Variants in TUBAL3 observed in about 807,000 individuals in gnomAD.
TUBAL3 encodes the protein tubulin alpha like 3, also known as tubulin alpha chain-like 3.
A neutral mutation model predicts 15.5 loss-of-function variants in TUBAL3; 16 were observed. The observed-to-expected ratio is 1.04, with a 90% CI of 0.70 to 1.57. TUBAL3 has a LOEUF of 1.57. Among genes scored for constraint, TUBAL3 ranks in the 40% most tolerant of loss-of-function variants. TUBAL3 has a pLI of 0.00. For missense variants in TUBAL3, 609 were observed against 576.2 expected, an observed-to-expected ratio of 1.06 and a Z score of -0.58; for synonymous variants, 238 against 224.3, an observed-to-expected ratio of 1.06 and a Z score of -0.55.
At position 5,393,754 on chromosome 10, in the gene TUBAL3, C is replaced by T. The variant is rs144608245; in HGVS notation, c.1104G>A (p.Thr368=). ...FKVGINNRPP[T]VMPGGDLAKV... is the part of the protein sequence containing the mutation. ...TGGCCAGGTCCCCACCCGGCATCAC[C>T]GTGGGCGGCCGATTGTTGATGCCCA... The change falls in exon 4 of 4, where the codon ACG becomes ACA. Residue 368 remains threonine (T), a synonymous_variant. Coordinates refer to ENST00000380419, the MANE Select transcript of TUBAL3 (RefSeq NM_024803.3). 2.2e-5 allele frequency: 35 copies of T among 1,614,106 alleles called. No homozygotes were observed. The highest frequency in any genetic ancestry group is 1.6e-4 in the Middle Eastern group (1 of 6,084).
rs1486192877 is a variant in TUBAL3 at position 5,396,535 on chromosome 10, T to TA, written c.248-1061dup. Among the ~76,000 whole-genome samples the TA allele has an allele frequency of 2.6e-5, 4 of 152,138 alleles. No homozygotes were observed. Among genetic ancestry groups the TA allele is most frequent in the Admixed American group, 1.3e-4 (2 of 15,268 alleles). ...AAGTAAAATAAAATAAAATGAATTTTAAAAAATAAAGGAATATCCATCTTT... is the reference window on the plus strand; with the variant it reads ...AAGTAAAATAAAATAAAATGAATTTTAAAAAAATAAAGGAATATCCATCTTT... On this transcript the variant is annotated intron_variant, in intron 2 of 3. Transcript: ENST00000380419. This position sits in a 1 kb window ranked among gnomAD's most constrained non-coding sequence, Gnocchi z 5.1.
chr10:5,400,796 TTGAG>T (rs782786897), intron 2 of TUBAL3, 44 bp downstream of exon 2: 4 of 1,609,996 alleles, frequency 2.5e-6, no homozygotes, highest in Admixed American at 1.7e-5. Context: ...CTTGATTTGT[TTGAG>T]TGTGGCTCCA....
intron 2 of TUBAL3, among the ~76,000 whole-genome samples, chr10:5,399,578 C>G (rs1047100897): frequency 6.6e-6 from 1 of 152,178 alleles, no homozygotes; most frequent in Non-Finnish European, 1.5e-5. Flanking sequence ...TACAGCAGTC[C>G]GAGTTGACCA....
In TUBAL3 at chr10:5,394,803, G is replaced by A. The variant is rs11814495; in HGVS notation, c.397-342C>T. Reference sequence around the variant, plus strand: ...TGAAGCAAAATAACATTCCCCCCACGTCTATGCTCCATCTGGCATGCTGGT... The same window carrying A: ...TGAAGCAAAATAACATTCCCCCCACATCTATGCTCCATCTGGCATGCTGGT... On this transcript the variant is annotated intron_variant, in intron 3 of 3. Transcript: ENST00000380419. This position sits in a 1 kb window ranked among gnomAD's most constrained non-coding sequence, Gnocchi z 4.3. Among the ~76,000 whole-genome samples the A allele has an allele frequency of 0.014, 2,175 of 152,228 alleles. 63 individuals carry two copies. The highest frequency in any genetic ancestry group is 0.049 in the African/African-American group (2,047 of 41,520).
intron 2 of TUBAL3, 139 bp downstream of exon 2, chr10:5,400,705 C>T: frequency 1.0e-6 from 1 of 983,694 alleles, no homozygotes; most frequent in Non-Finnish European, 1.5e-6. Context: ...TCACCCATGG[C>T]CACTGAGTAA....
At position 5,394,003 on chromosome 10, in the gene TUBAL3, A is replaced by G. The variant is rs1487589011; in HGVS notation, c.855T>C (p.Ala285=). 22 of 1,614,096 alleles carry G rather than the reference A, an allele frequency of 1.4e-5. No homozygotes were observed. Among genetic ancestry groups the G allele is most frequent in the Non-Finnish European group, 1.9e-5 (22 of 1,180,048 alleles). The stretch of plus-strand genomic sequence containing the variant: ...AGAACTGCTCATGGTAGGCTTTGTC[A>G]GCAGAGACGATGGGGGCGAAGGCTG... ...PMTAFAPIVS[A]DKAYHEQFSV... is the part of the protein sequence containing the mutation. The change falls in exon 4 of 4, where the codon GCT becomes GCC. Residue 285 remains alanine (A), a synonymous_variant. Coordinates refer to ENST00000380419, the MANE Select transcript of TUBAL3 (RefSeq NM_024803.3). The surrounding 1 kb of genome is among the most constrained non-coding windows in gnomAD (Gnocchi z 4.3).
rs782187224 is a variant in TUBAL3, at chr10:5,393,578, T to C, written c.1280A>G (p.Glu427Gly). 1.2e-6 allele frequency: 2 copies of C among 1,614,150 alleles called. No homozygotes were observed. The highest frequency in any genetic ancestry group is 2.2e-5 in the South Asian group (2 of 91,076). ...CAGGGCTGCCAGATCTTCCCTGGCCTCCAAGAACTCTGCTTCTTCCATGCC... is the reference window on the plus strand; with the variant it reads ...CAGGGCTGCCAGATCTTCCCTGGCCCCCAAGAACTCTGCTTCTTCCATGCC... ...REGMEEAEFL[E>G]AREDLAALER... The change falls in exon 4 of 4, where the codon GAG becomes GGG. Residue 427 changes from glutamate (E) to glycine (G), a missense_variant. Glu to Gly is a moderately conservative substitution (Grantham distance 98, BLOSUM62 -2). Transcript: ENST00000380419.
chr10:5,394,472 T>C lies in TUBAL3; in HGVS notation c.397-11A>G. 6.4e-7 allele frequency: 1 copy of C among 1,573,918 alleles called. No homozygotes were observed. Among genetic ancestry groups the C allele is most frequent in the Non-Finnish European group, 8.6e-7 (1 of 1,161,100 alleles). ...ACCACACTGTTCTGCCTGGAGAAAG[T>C]AAATGAGATGTGAGAATTCAGCTGA... On this transcript the variant is annotated splice_polypyrimidine_tract_variant and intron_variant, in intron 3 of 3. Transcript: ENST00000380419. The surrounding 1 kb of genome is among the most constrained non-coding windows in gnomAD (Gnocchi z 4.3).
rs77291689 is a variant in TUBAL3 at position 5,396,063 on chromosome 10, C to A, written c.248-588G>T. Among the ~76,000 whole-genome samples the A allele has an allele frequency of 0.062, 9,511 of 152,218 alleles. 333 individuals are homozygous for A. The highest frequency in any genetic ancestry group is 0.17 in the South Asian group (838 of 4,810). ...TTTAACTAGCTACATCAGCAAAGAC[C>A]CTGTTTCCAAATAAAGTCACATTCT... is the stretch of plus-strand genomic sequence containing the variant. On this transcript the variant is annotated intron_variant, in intron 2 of 3. Transcript: ENST00000380419. This position sits in a 1 kb window ranked among gnomAD's most constrained non-coding sequence, Gnocchi z 5.1.
At chr10:5,399,492 G>T (rs1468643348) in intron 2 of TUBAL3, among the ~76,000 whole-genome samples, 1 of 152,184 alleles carries the variant, frequency 6.6e-6, no homozygotes, top group African/African-American at 2.4e-5. Context: ...AGGCACCCTG[G>T]TCTCAGACTT....
In TUBAL3 at chr10:5,394,037, A is replaced by T. The variant is rs1554813814; in HGVS notation, c.821T>A (p.Phe274Tyr). The change falls in exon 4 of 4, where the codon TTC (phenylalanine) becomes TAC (tyrosine). Residue 274 changes from phenylalanine (F) to tyrosine (Y), a missense_variant. Phe to Tyr is a conservative substitution (Grantham distance 22). Coordinates refer to ENST00000380419, the MANE Select transcript of TUBAL3 (RefSeq NM_024803.3). The surrounding 1 kb of genome is among the most constrained non-coding windows in gnomAD (Gnocchi z 4.3). The stretch of plus-strand genomic sequence containing the variant: ...GATGGGGGCGAAGGCTGTCATGGGG[A>T]AATGTATTCTCGGATAAGGTACCAG... The part of the protein sequence containing the change: ...TNLVPYPRIH[F>Y]PMTAFAPIVS... 1 of 1,614,126 alleles carries T rather than the reference A, an allele frequency of 6.2e-7. No individual in the cohort carries two copies. The highest frequency in any genetic ancestry group is 1.7e-5 in the Admixed American group (1 of 60,018).
chr10:5,397,454 T>C lies in TUBAL3; in HGVS notation c.248-1979A>G, dbSNP rs533118891. Among the ~76,000 whole-genome samples the C allele has an allele frequency of 2.0e-5, 3 of 152,296 alleles. No individual in the cohort carries two copies. In the East Asian group the frequency reaches 5.8e-4, roughly 29 times the overall value. ...TAAGGCTGCATTCAGGCTAAGAAGGTAATTTACGGAAGCTTCCTTCTTCAT... is the reference window on the plus strand; with the variant it reads ...TAAGGCTGCATTCAGGCTAAGAAGGCAATTTACGGAAGCTTCCTTCTTCAT... On this transcript the variant is annotated intron_variant, in intron 2 of 3. Transcript: ENST00000380419. The surrounding 1 kb of genome is among the most constrained non-coding windows in gnomAD (Gnocchi z 4.9).
Position 5,394,479 on chromosome 10 carries a change from G to C in TUBAL3, c.397-18C>G. 1 of 1,564,904 alleles carries C rather than the reference G, an allele frequency of 6.4e-7. No individual in the cohort carries two copies. Among genetic ancestry groups the C allele is most frequent in the Non-Finnish European group, 8.6e-7 (1 of 1,156,396 alleles). On this transcript the variant is annotated intron_variant, in intron 3 of 3. Transcript: ENST00000380419. This position sits in a 1 kb window ranked among gnomAD's most constrained non-coding sequence, Gnocchi z 4.3. ...TGTTCTGCCTGGAGAAAGTAAATGA[G>C]ATGTGAGAATTCAGCTGAATAAATC...
intron 2 of TUBAL3, among the ~76,000 whole-genome samples, chr10:5,400,440 T>C (rs1279670035): frequency 6.6e-6 from 1 of 152,118 alleles, no homozygotes; most frequent in South Asian, 2.1e-4. Context: ...AAGACCAGTC[T>C]GGCCAACATA....
Position 5,393,115 on chromosome 10 carries a change from A to G in TUBAL3, c.*402T>C, listed in dbSNP as rs1475587424. 2 of 160,584 alleles carry G rather than the reference A, an allele frequency of 1.2e-5. No homozygotes were observed. Among genetic ancestry groups the G allele is most frequent in the Non-Finnish European group, 2.7e-5 (2 of 73,950 alleles). 9.9% of individuals were successfully genotyped at this position (160,584 alleles called of 1,614,324 possible). On this transcript the variant is annotated 3_prime_UTR_variant, in exon 4 of 4. Transcript: ENST00000380419. ...AATAAGAATCATACTGAAAATATTT[A>G]TGATTTAATCAGTGTAAAAAATGTA... is the stretch of plus-strand genomic sequence containing the variant.
chr10:5,397,631 C>T lies in TUBAL3; in HGVS notation c.248-2156G>A, dbSNP rs1831783077. ...TTCCCGGGCACAGGTTGCTCAGGGG[C>T]TTTACTACCCAGCATGGTGCCCTTA... On this transcript the variant is annotated intron_variant, in intron 2 of 3. Coordinates refer to ENST00000380419, the MANE Select transcript of TUBAL3 (RefSeq NM_024803.3). The surrounding 1 kb of genome is among the most constrained non-coding windows in gnomAD (Gnocchi z 4.9). 1.3e-5 allele frequency among the ~76,000 whole-genome samples: 2 copies of T among 152,150 alleles called. No individual in the cohort carries two copies. The highest frequency in any genetic ancestry group is 4.8e-5 in the African/African-American group (2 of 41,438).
At position 5,395,496 on chromosome 10, in the gene TUBAL3, T is replaced by C; in HGVS notation, c.248-21A>G. ...CCCATCTGCAGAGGGTGAAAGGAGG[T>C]CAGTGCAACTCACCCAGTGCAATTC... is the stretch of plus-strand genomic sequence containing the variant. On this transcript the variant is annotated intron_variant, in intron 2 of 3. Coordinates refer to ENST00000380419, the MANE Select transcript of TUBAL3 (RefSeq NM_024803.3). This position sits in a 1 kb window ranked among gnomAD's most constrained non-coding sequence, Gnocchi z 4.6. 6.8e-7 allele frequency: 1 copy of C among 1,466,360 alleles called. No individual in the cohort carries two copies. Among genetic ancestry groups the C allele is most frequent in the Non-Finnish European group, 9.1e-7 (1 of 1,095,058 alleles). The allele number at this position is 1,466,360 out of a possible 1,614,324, so 90.8% of individuals were successfully genotyped here.
intron 1 of TUBAL3, among the ~76,000 whole-genome samples, chr10:5,402,997 ACT>A (rs1218758443): frequency 6.6e-6 from 1 of 152,094 alleles, no homozygotes; most frequent in Admixed American, 6.5e-5. Flanking sequence ...TCTGACTTGG[ACT>A]CTGTTCATGC....
rs1256722828 is a variant in TUBAL3 at position 5,396,094 on chromosome 10, T to C, written c.248-619A>G. Among the ~76,000 whole-genome samples, 1 of 152,330 alleles carries C rather than the reference T, an allele frequency of 6.6e-6. No individual in the cohort carries two copies. Among genetic ancestry groups the C allele is most frequent in the East Asian group, 1.9e-4 (1 of 5,190 alleles). ...TCCAAATAAAGTCACATTCTGGGAT[T>C]GCAGATGGGTATGAATTTGGGGGGA... is the stretch of plus-strand genomic sequence containing the variant. On this transcript the variant is annotated intron_variant, in intron 2 of 3. Transcript: ENST00000380419. The surrounding 1 kb of genome is among the most constrained non-coding windows in gnomAD (Gnocchi z 5.1).
Sources: gnomAD v4.1 joint callset for allele counts (sites outside exome capture counted in the v4.1 genomes callset) on GRCh38, gnomAD v4.1.1 for gene constraint, Gnocchi (gnomAD v3.1) non-coding constraint, MANE v1.5 for transcripts, NCBI Gene and HGNC (gene_info 2026-07-23, HGNC 2026-07-21) for gene names.